ABHD3: variants seen among roughly 807,000 people sequenced by gnomAD.
ABHD3 encodes phospholipase ABHD3.
Under a neutral mutation model 48.8 loss-of-function variants are expected in ABHD3, and 46 were observed. The observed-to-expected ratio is 0.94, with a 90% CI of 0.74 to 1.20. ABHD3 has a LOEUF of 1.20. Among genes scored for constraint, ABHD3 ranks in the 50% most tolerant of loss-of-function variants. The probability of loss-of-function intolerance (pLI) is 0.00; values close to 1 mark genes in which losing one functional copy is unlikely to be tolerated. For synonymous variants in ABHD3, 192 were observed against 183.7 expected (o/e 1.04, Z -0.36); for missense variants, 490 against 497.8 (o/e 0.98, Z 0.15).
At position 21,704,596 on chromosome 18, in the gene ABHD3, G is replaced by A. The variant is rs1288515872; in HGVS notation, c.70C>T (p.Arg24Trp). 3 of 1,553,910 alleles carry A rather than the reference G, an allele frequency of 1.9e-6. No homozygotes were observed. The highest frequency in any genetic ancestry group is 2.8e-5 in the African/African-American group (2 of 70,570). ...ELSLYLEHQV[R>W]VGFFGSGVGL... ...ACCCCCGAGCCGAAGAACCCCACCC[G>A]GACTTGGTGTTCCAGGTAGAGGGAG... is the stretch of plus-strand genomic sequence containing the variant. The change falls in exon 1 of 9, where the codon CGG (arginine) becomes TGG (tryptophan). Residue 24 changes from arginine (R) to tryptophan (W), a missense_variant. Arg to Trp is a moderately radical substitution (Grantham distance 101). Transcript: ENST00000289119.
chr18:21,666,577 G>A (rs1039836968), intron 4 of ABHD3, among the ~76,000 whole-genome samples: 3 of 152,130 alleles, frequency 2.0e-5, no homozygotes, highest in Non-Finnish European at 4.4e-5. Context: ...TGATCTACCC[G>A]CCCTGGTTTC....
intron 3 of ABHD3, among the ~76,000 whole-genome samples, chr18:21,694,250 C>A (rs1598558726): frequency 6.6e-6 from 1 of 152,046 alleles, no homozygotes; most frequent in Non-Finnish European, 1.5e-5. Flanking sequence ...TGGGGGCCAC[C>A]ATACCTGGCT....
At chr18:21,666,830 C>G (rs1282315597) in intron 4 of ABHD3, among the ~76,000 whole-genome samples, 1 of 151,918 alleles carries the variant, frequency 6.6e-6, no homozygotes, top group African/African-American at 2.4e-5. Flanking sequence ...CACTTGAGAT[C>G]TGGGAGGAGG....
At chr18:21,670,662 T>C (rs1340414277) in intron 4 of ABHD3, among the ~76,000 whole-genome samples, 2 of 152,190 alleles carry the variant, frequency 1.3e-5, no homozygotes, top group Admixed American at 1.3e-4. Flanking sequence ...ACCTGTGACC[T>C]TCACCTGCCT....
intron 5 of ABHD3, chr18:21,663,830 A>C (rs1023261105): frequency 1.3e-6 from 2 of 1,525,294 alleles, no homozygotes; most frequent in African/African-American, 2.7e-5. Flanking sequence ...GAAGGTCAAC[A>C]TGGCAGCCGG....
Position 21,683,908 on chromosome 18 carries a change from A to C in ABHD3, c.555+12T>G. On this transcript the variant is annotated intron_variant, in intron 4 of 8. Transcript: ENST00000289119. The stretch of plus-strand genomic sequence containing the variant: ...TAAAAAGTTAAGACTGTTGTCATTT[A>C]AATTTACTTACCAAGAGATTCTCCC... The C allele has an allele frequency of 6.3e-7, 1 of 1,587,940 alleles. No individual in the cohort carries two copies.
intron 4 of ABHD3, among the ~76,000 whole-genome samples, chr18:21,666,925 A>G (rs1208695070): frequency 6.6e-6 from 1 of 152,112 alleles, no homozygotes; most frequent in Non-Finnish European, 1.5e-5. Context: ...ATTTAATAAC[A>G]AGGAGAGGAA....
chr18:21,683,529 C>T, intron 4 of ABHD3: 1 of 512,916 alleles, frequency 1.9e-6, no homozygotes, highest in South Asian at 1.5e-5. Context: ...AAAATGAGGC[C>T]TTCTCTTCCC....
chr18:21,696,070 C>T (rs570562095), intron 3 of ABHD3, among the ~76,000 whole-genome samples: 6 of 151,236 alleles, frequency 4.0e-5, no homozygotes, highest in African/African-American at 1.5e-4. Flanking sequence ...TTTCTTCCCC[C>T]CTAGTAATAA....
intron 4 of ABHD3, among the ~76,000 whole-genome samples, chr18:21,666,633 C>T (rs1472768088): frequency 1.3e-5 from 2 of 152,142 alleles, no homozygotes; most frequent in African/African-American, 4.8e-5. Context: ...CCTGGCCAAA[C>T]ATTTTCTTTT....
intron 3 of ABHD3, among the ~76,000 whole-genome samples, chr18:21,689,650 A>T (rs1332612896): frequency 6.6e-6 from 1 of 151,934 alleles, no homozygotes; most frequent in Non-Finnish European, 1.5e-5. Context: ...AAAAACAAGC[A>T]GAAAAAAATC....
At chr18:21,662,521 G>A (rs1403787748) in intron 5 of ABHD3, 2 of 152,284 alleles carry the variant, frequency 1.3e-5, no homozygotes, top group East Asian at 1.9e-4. Flanking sequence ...TGATCCATGA[G>A]TTGCTGGCAC....
intron 8 of ABHD3, among the ~76,000 whole-genome samples, chr18:21,654,661 T>TATC (rs2039303797): frequency 6.6e-6 from 1 of 152,218 alleles, no homozygotes; most frequent in South Asian, 2.1e-4. Context: ...CTAAAGGAAT[T>TATC]ATCAAGAGCC....
intron 8 of ABHD3, among the ~76,000 whole-genome samples, chr18:21,655,857 G>A (rs756042728): frequency 1.3e-5 from 2 of 148,482 alleles, no homozygotes; most frequent in African/African-American, 2.5e-5. Flanking sequence ...ACAAAAAAAA[G>A]GAAAGCAGTA....
chr18:21,702,039 A>G (rs2040524093), intron 3 of ABHD3: 1 of 243,646 alleles, frequency 4.1e-6, no homozygotes, highest in Non-Finnish European at 8.0e-6. Context: ...GATGGGGGGA[A>G]GGGCTCAGTC....
At chr18:21,658,220 A>G (rs145990232) in intron 6 of ABHD3, among the ~76,000 whole-genome samples, 2 of 152,200 alleles carry the variant, frequency 1.3e-5, no homozygotes, top group Non-Finnish European at 2.9e-5. Flanking sequence ...GAGAGAAAGA[A>G]AAAGAAAAAA....
intron 8 of ABHD3, among the ~76,000 whole-genome samples, chr18:21,652,436 GAGAA>G (rs2039245397): frequency 6.6e-6 from 1 of 151,892 alleles, no homozygotes; most frequent in South Asian, 2.1e-4. Context: ...AAAAGAAAAA[GAGAA>G]AGAACGAGAA....
chr18:21,692,053 G>A (rs1308765273), intron 3 of ABHD3, among the ~76,000 whole-genome samples: 1 of 152,082 alleles, frequency 6.6e-6, no homozygotes, highest in Non-Finnish European at 1.5e-5. Context: ...AGGTTCAAAC[G>A]GTTCTTTTGC....
intron 5 of ABHD3, among the ~76,000 whole-genome samples, chr18:21,659,872 G>A (rs1275993770): frequency 2.6e-5 from 4 of 151,132 alleles, no homozygotes; most frequent in African/African-American, 9.7e-5. Flanking sequence ...GTTTCATTGT[G>A]TTGACCAGGC....
Sources: gnomAD v4.1 joint callset for allele counts (sites outside exome capture counted in the v4.1 genomes callset) on GRCh38, gnomAD v4.1.1 for gene constraint, MANE v1.5 for transcripts, NCBI Gene and HGNC (gene_info 2026-07-23, HGNC 2026-07-21) for gene names.